Variants in CFAP58 observed in about 807,000 individuals in gnomAD.
CFAP58 encodes cilia- and flagella-associated protein 58.
In CFAP58, 88 loss-of-function variants were observed where a neutral mutation model predicts 119.5. The ratio of observed to expected loss-of-function variants is 0.74; its 90% CI spans 0.62 to 0.88. The LOEUF (loss-of-function observed/expected upper bound fraction) is 0.88, where lower values mean the gene tolerates loss of function less well. Among genes scored for constraint, CFAP58 ranks in the 40% least tolerant of loss-of-function variants. CFAP58 has a pLI of 0.00. For missense variants in CFAP58, 990 were observed against 1,021.2 expected (o/e 0.97, Z 0.42); for synonymous variants, 365 against 366.3 (o/e 1.00, Z 0.04).
chr10:104,362,687 C>T (rs1002385885), intron 3 of CFAP58, among the ~76,000 whole-genome samples: 4 of 152,208 alleles, frequency 2.6e-5, no homozygotes, highest in Admixed American at 2.6e-4. Flanking sequence ...GTTCAGGCCT[C>T]CTATTCTCTG....
At chr10:104,417,998 A>G (rs1230753004) in intron 15 of CFAP58, among the ~76,000 whole-genome samples, 1 of 152,234 alleles carries the variant, frequency 6.6e-6, no homozygotes, top group Admixed American at 6.5e-5. Flanking sequence ...GTGTTTATAT[A>G]CTTAAGTGAT....
intron 16 of CFAP58, 62 bp downstream of exon 16, chr10:104,447,879 G>C (rs118126946): frequency 2.6e-6 from 4 of 1,510,516 alleles, no homozygotes; most frequent in Non-Finnish European, 3.6e-6. Flanking sequence ...GAGCACACCT[G>C]GACAAGTCCA....
At chr10:104,339,886 C>G in the CFAP58 span, among the ~76,000 whole-genome samples, 521 of 152,190 alleles carry the variant, frequency 3.4e-3, 5 homozygotes, top group Admixed American at 4.1e-3. Context: ...TACTCACACC[C>G]TCCGCAAAGC....
At chr10:104,433,511 T>C (rs1436702933) in intron 15 of CFAP58, among the ~76,000 whole-genome samples, 3 of 152,122 alleles carry the variant, frequency 2.0e-5, no homozygotes, top group Admixed American at 6.6e-5. Flanking sequence ...AAGTGGCCAG[T>C]ACCAAGGCAA....
chr10:104,372,671 G>A (rs76515939), intron 7 of CFAP58, among the ~76,000 whole-genome samples: 2,023 of 152,282 alleles, frequency 0.013, 38 homozygotes, highest in African/African-American at 0.046. Flanking sequence ...AACTTTAAGA[G>A]CAATTTTTGT....
At chr10:104,404,517 G>A (rs2012323237) in intron 14 of CFAP58, among the ~76,000 whole-genome samples, 1 of 151,278 alleles carries the variant, frequency 6.6e-6, no homozygotes, top group Non-Finnish European at 1.5e-5. Context: ...TCGACTAAAT[G>A]AATGATCAGG....
chr10:104,388,055 G>A (rs971809448), intron 9 of CFAP58, among the ~76,000 whole-genome samples: 1 of 152,100 alleles, frequency 6.6e-6, no homozygotes, highest in African/African-American at 2.4e-5. Flanking sequence ...ATGAAATAAA[G>A]CTCCTGTTTC....
chr10:104,365,037 G>C (rs2014723971), intron 4 of CFAP58, 148 bp downstream of exon 4: 1 of 765,034 alleles, frequency 1.3e-6, no homozygotes, highest in African/African-American at 1.8e-5. Flanking sequence ...TCTTTAGTTT[G>C]TTCTCTTGAG....
chr10:104,405,909 A>G (rs981304396), intron 14 of CFAP58, among the ~76,000 whole-genome samples: 11 of 152,140 alleles, frequency 7.2e-5, no homozygotes, highest in Admixed American at 6.5e-4. Flanking sequence ...CCAGGAGTAA[A>G]CCTGGGCAGT....
chr10:104,426,642 C>T (rs2012754882), intron 15 of CFAP58, among the ~76,000 whole-genome samples: 1 of 152,120 alleles, frequency 6.6e-6, no homozygotes, highest in Admixed American at 6.5e-5. Context: ...TCCAGTAATC[C>T]TTTCGTTCCA....
At chr10:104,442,143 T>C (rs1208760141) in intron 15 of CFAP58, among the ~76,000 whole-genome samples, 1 of 152,018 alleles carries the variant, frequency 6.6e-6, no homozygotes, top group Non-Finnish European at 1.5e-5. Context: ...AGTGGGGGGA[T>C]GGAAAAAGGA....
At position 104,375,951 on chromosome 10, in the gene CFAP58, A is replaced by T. The variant is rs561260303; in HGVS notation, c.1091-860A>T. ...TGCAGAGGAAGCTTTCAGATAGCAGACTTCAGGGACAGCAGGTTATAAAAT... is the reference window on the plus strand; with the variant it reads ...TGCAGAGGAAGCTTTCAGATAGCAGTCTTCAGGGACAGCAGGTTATAAAAT... On this transcript the variant is annotated intron_variant, in intron 7 of 17. Transcript: ENST00000369704. Among the ~76,000 whole-genome samples the T allele has an allele frequency of 2.0e-5, 3 of 152,296 alleles. No individual in the cohort carries two copies. The South Asian group carries it at 6.2e-4, about 32-fold the overall frequency.
chr10:104,350,214 G>T (rs1359530989), upstream of CFAP58, among the ~76,000 whole-genome samples: 4 of 152,184 alleles, frequency 2.6e-5, no homozygotes, highest in Non-Finnish European at 5.9e-5. Context: ...CATATAGTAG[G>T]TGCTCAAGAA....
intron 6 of CFAP58, among the ~76,000 whole-genome samples, 188 bp downstream of exon 6, chr10:104,368,748 T>C (rs550402289): frequency 6.6e-6 from 1 of 152,320 alleles, no homozygotes; most frequent in South Asian, 2.1e-4. Flanking sequence ...TCCATTCTTG[T>C]AAAATTGCAA....
chr10:104,443,067 C>G (rs565519220), intron 15 of CFAP58, among the ~76,000 whole-genome samples: 6 of 152,164 alleles, frequency 3.9e-5, no homozygotes, highest in East Asian at 1.9e-4. Context: ...GAGAGCACAA[C>G]AGCAGGTGCG....
At chr10:104,380,658 T>A (rs1322421697) in intron 9 of CFAP58, among the ~76,000 whole-genome samples, 1 of 152,160 alleles carries the variant, frequency 6.6e-6, no homozygotes, top group African/African-American at 2.4e-5. Context: ...GACCACAAGT[T>A]AAGATGTGAG....
chr10:104,447,864 C>G (rs1191463042), intron 16 of CFAP58, 47 bp downstream of exon 16: 1 of 1,544,224 alleles, frequency 6.5e-7, no homozygotes, highest in Non-Finnish European at 8.8e-7. Flanking sequence ...CAGCCACACT[C>G]TGGGGAGCAC....
chr10:104,357,995 G>A (rs576787545), intron 1 of CFAP58, among the ~76,000 whole-genome samples: 8 of 136,536 alleles, frequency 5.9e-5, no homozygotes, highest in East Asian at 4.7e-4. Context: ...ACACATATAT[G>A]TACACATATA....
rs1398381775 is a variant in CFAP58 at position 104,357,921 on chromosome 10, GTACACATA to G, written c.10-413_10-406del. 5.6e-4 allele frequency among the ~76,000 whole-genome samples: 59 copies of G among 105,500 alleles called. 3 individuals carry two copies. Among genetic ancestry groups the G allele is most frequent in the African/African-American group, 3.0e-3 (58 of 19,348 alleles). 69.2% of individuals were successfully genotyped at this position (105,500 alleles called of 152,430 possible). ...TATGTACACATATACACACATATAT[GTACACATA>G]TACACACATATATGTACACATATAT... On this transcript the variant is annotated intron_variant, in intron 1 of 17. Coordinates refer to ENST00000369704, the MANE Select transcript of CFAP58 (RefSeq NM_001008723.2).
Sources: gnomAD v4.1 joint callset for allele counts (sites outside exome capture counted in the v4.1 genomes callset) on GRCh38, gnomAD v4.1.1 for gene constraint, MANE v1.5 for transcripts, NCBI Gene and HGNC (gene_info 2026-07-23, HGNC 2026-07-21) for gene names.